Variants in OTOGL observed in about 807,000 individuals in gnomAD.
OTOGL encodes otogelin like.
In OTOGL, 285 loss-of-function variants were observed where a neutral mutation model predicts 318.5. The observed-to-expected ratio is 0.89, with a 90% CI of 0.81 to 0.99. The LOEUF (loss-of-function observed/expected upper bound fraction) is 0.99. Ranked by LOEUF, OTOGL falls within the 50% of genes least tolerant of loss-of-function variation. OTOGL has a pLI of 0.00. For synonymous variants in OTOGL, 987 were observed against 936.5 expected (o/e 1.05, Z -0.99); for missense variants, 2,899 against 2,845.6 (o/e 1.02, Z -0.43).
intron 1 of OTOGL, among the ~76,000 whole-genome samples, chr12:80,108,947 TATATATAC>T (rs1869664587): frequency 2.1e-5 from 3 of 144,778 alleles, no homozygotes; most frequent in African/African-American, 5.1e-5. Flanking sequence ...TATATATATA[TATATATAC>T]ACACACACAT....
At chr12:80,375,086 C>T (rs17309541) in intron 57 of OTOGL, among the ~76,000 whole-genome samples, 256 of 152,190 alleles carry the variant, frequency 1.7e-3, no homozygotes, top group Non-Finnish European at 3.3e-3. Context: ...TCTCATCTGA[C>T]GTGAAAGGAC....
chr12:80,278,529 C>T (rs975072726), intron 25 of OTOGL, among the ~76,000 whole-genome samples: 4 of 151,492 alleles, frequency 2.6e-5, no homozygotes, highest in Admixed American at 2.0e-4. Context: ...AAAAATATCT[C>T]ATGTTTATAA....
chr12:80,148,839 A>T (rs1872577714), intron 1 of OTOGL, among the ~76,000 whole-genome samples: 3 of 152,096 alleles, frequency 2.0e-5, no homozygotes. Context: ...CTTCCAGTTG[A>T]TCGCATCAGC....
rs576980836 is a variant in OTOGL, at chr12:80,249,519, T to C, written c.1053-2174T>C. ...GACCCACTTGAGGAGGCAGTCTGCC[T>C]GTTCTCAGATCTCCAGCTGCGTGCT... On this transcript the variant is annotated intron_variant, in intron 11 of 58. Transcript: ENST00000547103. Among the ~76,000 whole-genome samples, 601 of 151,748 alleles carry C rather than the reference T, an allele frequency of 4.0e-3. 3 individuals carry two copies. The highest frequency in any genetic ancestry group is 6.8e-3 in the Middle Eastern group (2 of 294).
At chr12:80,317,444 G>A (rs1173039777) in intron 32 of OTOGL, among the ~76,000 whole-genome samples, 1 of 152,088 alleles carries the variant, frequency 6.6e-6, no homozygotes, top group Non-Finnish European at 1.5e-5. Flanking sequence ...TCAGGTTGCT[G>A]TATTAAGGGG....
rs1453852805 is a variant in OTOGL at position 80,217,605 on chromosome 12, C to T, written c.176C>T (p.Ala59Val). 1.3e-6 allele frequency: 2 copies of T among 1,540,930 alleles called. No homozygotes were observed. The highest frequency in any genetic ancestry group is 1.2e-5 in the South Asian group (1 of 85,944). Residue 59 changes from alanine to valine, a missense_variant, in exon 5 of 59, where the codon GCT (alanine) becomes GTT (valine). This residue lies in a region of OTOGL where 2,607 missense variants were observed against 2,524.9 expected (regional missense o/e 1.03). Transcript: ENST00000547103. ...KRALLAAQFEATSPRYFFHDA... is the reference protein window; with the variant it reads ...KRALLAAQFEVTSPRYFFHDA... ...CATTTCTTTCTTTCAAAGTTTGAAG[C>T]TACTTCTCCGAGATACTTTTTCCAT... is the stretch of plus-strand genomic sequence containing the variant.
intron 1 of OTOGL, among the ~76,000 whole-genome samples, chr12:80,105,670 A>T (rs1205370563): frequency 6.6e-6 from 1 of 152,210 alleles, no homozygotes; most frequent in Non-Finnish European, 1.5e-5. Context: ...TGTTAATACA[A>T]TAACATTTTT....
At chr12:80,140,707 T>G (rs914227977) in intron 1 of OTOGL, among the ~76,000 whole-genome samples, 2 of 152,172 alleles carry the variant, frequency 1.3e-5, no homozygotes, top group Non-Finnish European at 2.9e-5. Flanking sequence ...AATGTCAGCA[T>G]ATGTAAAGTC....
intron 26 of OTOGL, among the ~76,000 whole-genome samples, chr12:80,285,204 T>G (rs1884522850): frequency 6.6e-6 from 1 of 152,154 alleles, no homozygotes; most frequent in Non-Finnish European, 1.5e-5. Flanking sequence ...GTGGCATTAT[T>G]TCCGAGGCCT....
intron 26 of OTOGL, among the ~76,000 whole-genome samples, chr12:80,286,302 G>A (rs1412747464): frequency 8.5e-5 from 13 of 152,116 alleles, no homozygotes. Flanking sequence ...TTTTCGCATT[G>A]ATGTACATCG....
At position 80,209,411 on chromosome 12, in the gene OTOGL, A is replaced by AG; in HGVS notation, c.-16dup. ...AAGACCATCAATTTGGTTACATTTC[A>AG]GGGGGAAAGGCTACACTGAAATGAA... On this transcript the variant is annotated splice_acceptor_variant, in intron 1 of 58. Transcript: ENST00000547103. LOFTEE classifies it low-confidence loss of function (5UTR_SPLICE). 5 of 1,441,940 alleles carry AG rather than the reference A, an allele frequency of 3.5e-6. No individual in the cohort carries two copies. Among genetic ancestry groups the AG allele is most frequent in the Non-Finnish European group, 4.6e-6 (5 of 1,087,800 alleles). The allele number at this position is 1,441,940 out of a possible 1,614,324, so 89.3% of individuals were successfully genotyped here.
intron 1 of OTOGL, among the ~76,000 whole-genome samples, chr12:80,149,749 G>T (rs1388787174): frequency 1.3e-5 from 2 of 151,292 alleles, no homozygotes; most frequent in East Asian, 3.9e-4. Context: ...CTCCAAGCCA[G>T]GTGTGGGATA....
chr12:80,253,221 A>G (rs1441666450), intron 13 of OTOGL, among the ~76,000 whole-genome samples: 4 of 152,070 alleles, frequency 2.6e-5, no homozygotes, highest in Non-Finnish European at 5.9e-5. Flanking sequence ...TTTATTCTGT[A>G]TGGTGAACCT....
At chr12:80,129,227 T>C (rs1458716673) in intron 1 of OTOGL, among the ~76,000 whole-genome samples, 1 of 152,232 alleles carries the variant, frequency 6.6e-6, no homozygotes, top group East Asian at 1.9e-4. Flanking sequence ...GTTTTAAATA[T>C]GCTCTTGGAA....
chr12:80,232,448 T>A (rs1879453996), intron 8 of OTOGL, among the ~76,000 whole-genome samples: 1 of 152,236 alleles, frequency 6.6e-6, no homozygotes. Context: ...GCATCATGTT[T>A]GTATATTTTG....
intron 11 of OTOGL, among the ~76,000 whole-genome samples, chr12:80,248,529 G>A (rs1229027333): frequency 7.5e-6 from 1 of 132,810 alleles, no homozygotes; most frequent in Non-Finnish European, 1.6e-5. Flanking sequence ...TCTGCCGAGA[G>A]ATCCGCTGTT....
chr12:80,250,946 A>G (rs939338339), intron 11 of OTOGL, among the ~76,000 whole-genome samples: 6 of 152,238 alleles, frequency 3.9e-5, no homozygotes, highest in African/African-American at 1.4e-4. Context: ...TGAAGTGATT[A>G]TAAGAAAATA....
intron 2 of OTOGL, 128 bp downstream of exon 2, chr12:80,209,638 G>A (rs983101101): frequency 1.0e-5 from 5 of 489,562 alleles, no homozygotes; most frequent in African/African-American, 7.8e-5. Flanking sequence ...ATGATACTCA[G>A]ATCACCTTTT....
intron 1 of OTOGL, among the ~76,000 whole-genome samples, chr12:80,194,893 A>G (rs1337076936): frequency 6.6e-6 from 1 of 152,208 alleles, no homozygotes; most frequent in Non-Finnish European, 1.5e-5. Flanking sequence ...AGACTAAAAT[A>G]ACAGTGGAAT....
Sources: gnomAD v4.1 joint callset for allele counts (sites outside exome capture counted in the v4.1 genomes callset) on GRCh38, gnomAD v4.1.1 for gene constraint, gnomAD v4.1.1 regional missense constraint, MANE v1.5 for transcripts, NCBI Gene and HGNC (gene_info 2026-07-23, HGNC 2026-07-21) for gene names.